PLD1: variants seen among roughly 807,000 people sequenced by gnomAD.
PLD1 encodes choline phosphatase 1.
A neutral mutation model predicts 137.1 loss-of-function variants in PLD1; 112 were observed. The ratio of observed to expected loss-of-function variants is 0.82; its 90% CI spans 0.70 to 0.96. PLD1 has a LOEUF of 0.96. PLD1 is among the 40% of genes least tolerant of loss of function. The probability of loss-of-function intolerance (pLI) is 0.00; values close to 1 mark genes in which losing one functional copy is unlikely to be tolerated. For synonymous variants in PLD1, 431 were observed against 454.7 expected, an observed-to-expected ratio of 0.95 and a Z score of 0.66; for missense variants, 1,321 against 1,342.0, an observed-to-expected ratio of 0.98 and a Z score of 0.24.
intron 1 of PLD1, among the ~76,000 whole-genome samples, chr3:171,751,053 A>G (rs1373806113): frequency 1.3e-5 from 2 of 152,226 alleles, no homozygotes; most frequent in Admixed American, 6.5e-5. Flanking sequence ...AAATGAAAAA[A>G]ATAATGGAGA....
chr3:171,669,069 G>A (rs1378810366), intron 19 of PLD1, among the ~76,000 whole-genome samples: 2 of 152,186 alleles, frequency 1.3e-5, no homozygotes, highest in Admixed American at 6.5e-5. Flanking sequence ...AGCTGCTGAA[G>A]TCAGCTGTCA....
intron 22 of PLD1, among the ~76,000 whole-genome samples, chr3:171,643,988 C>G (rs1432756998): frequency 1.3e-5 from 2 of 152,026 alleles, no homozygotes; most frequent in Non-Finnish European, 2.9e-5. Flanking sequence ...GAACTGTGCA[C>G]AGATCCTCCA....
intron 1 of PLD1, among the ~76,000 whole-genome samples, chr3:171,788,250 CTTTTT>C (rs58878929): frequency 2.7e-5 from 3 of 110,560 alleles, no homozygotes; most frequent in African/African-American, 1.0e-4. Flanking sequence ...ATCTGCACTT[CTTTTT>C]TTTTTTTTTT....
chr3:171,726,142 T>G (rs1368937571), intron 6 of PLD1, 66 bp from the exon 7 acceptor site: 4 of 1,016,536 alleles, frequency 3.9e-6, no homozygotes, highest in Admixed American at 1.7e-5. Flanking sequence ...TTAAAAAACA[T>G]GTATTAGGTA....
rs745380460 is a variant in PLD1, at chr3:171,735,634, G to A, written c.292C>T (p.Pro98Ser). The change falls in exon 4 of 27, where the codon CCA becomes TCA. Residue 98 changes from proline (P) to serine (S), a missense_variant. Pro to Ser is a moderately conservative substitution (Grantham distance 74). Transcript: ENST00000351298. ...TCAATAGTGTAAAGATTAATACTTG[G>A]TACCTACAGTGATACATAAAAATGT... is the stretch of plus-strand genomic sequence containing the variant. ...VERFTSTTRV[P>S]SINLYTIELT... The A allele has an allele frequency of 6.0e-6, 9 of 1,489,052 alleles. No individual in the cohort carries two copies. The highest frequency in any genetic ancestry group is 7.5e-6 in the Non-Finnish European group (8 of 1,066,780). The allele number at this position is 1,489,052 out of a possible 1,614,324, so 92.2% of individuals were successfully genotyped here. A position where few individuals can be genotyped will look rare whatever the true frequency, so the allele number is the denominator to read the frequency against.
chr3:171,670,132 C>T (rs956662683), intron 19 of PLD1, among the ~76,000 whole-genome samples: 4 of 151,928 alleles, frequency 2.6e-5, no homozygotes, highest in Admixed American at 6.6e-5. Flanking sequence ...TTTGTGTAGG[C>T]GGGTACAGGG....
chr3:171,623,079 A>C (rs943731031), intron 23 of PLD1, among the ~76,000 whole-genome samples: 34 of 152,224 alleles, frequency 2.2e-4, no homozygotes, highest in Admixed American at 7.9e-4. Flanking sequence ...GGATAGAACA[A>C]TTCACCATTA....
chr3:171,716,026 T>C (rs1717662274), intron 8 of PLD1, among the ~76,000 whole-genome samples: 1 of 151,668 alleles, frequency 6.6e-6, no homozygotes, highest in Non-Finnish European at 1.5e-5. Context: ...TGGTATTGGG[T>C]TTCCTGTTCC....
intron 25 of PLD1, among the ~76,000 whole-genome samples, 189 bp from the exon 26 acceptor site, chr3:171,605,605 C>A (rs1380192109): frequency 6.6e-6 from 1 of 152,224 alleles, no homozygotes; most frequent in African/African-American, 2.4e-5. Context: ...ATTGACCACA[C>A]ATAAACAGCG....
At chr3:171,769,848 G>T (rs894355157) in intron 1 of PLD1, among the ~76,000 whole-genome samples, 1 of 151,764 alleles carries the variant, frequency 6.6e-6, no homozygotes, top group Non-Finnish European at 1.5e-5. Flanking sequence ...TTTCGCAGTG[G>T]GGAAAAAAGG....
chr3:171,690,872 T>A (rs1401368247), intron 13 of PLD1, among the ~76,000 whole-genome samples: 1 of 152,172 alleles, frequency 6.6e-6, no homozygotes, highest in Non-Finnish European at 1.5e-5. Flanking sequence ...AAGTCCTCTG[T>A]TTTCTTACTT....
chr3:171,665,526 C>T (rs1273160241), intron 19 of PLD1, among the ~76,000 whole-genome samples: 1 of 152,028 alleles, frequency 6.6e-6, no homozygotes, highest in Non-Finnish European at 1.5e-5. Flanking sequence ...ATGGCGAAAC[C>T]CCGTCTCTAT....
chr3:171,735,102 T>C (rs1183026969), intron 4 of PLD1, 132 bp from the exon 5 acceptor site: 2 of 616,448 alleles, frequency 3.2e-6, no homozygotes, highest in African/African-American at 3.7e-5. Context: ...AATAGACTAG[T>C]TAGCCGATAT....
intron 12 of PLD1, among the ~76,000 whole-genome samples, chr3:171,696,456 A>C (rs1715704444): frequency 6.6e-6 from 1 of 152,226 alleles, no homozygotes; most frequent in African/African-American, 2.4e-5. Context: ...AACAGCCATC[A>C]TAAGAGATGT....
chr3:171,670,166 ATGG>A (rs2108460663), intron 19 of PLD1, among the ~76,000 whole-genome samples: 1 of 84,100 alleles, frequency 1.2e-5, no homozygotes, highest in East Asian at 3.4e-4. Flanking sequence ...TAAAGAGAGG[ATGG>A]TTAATGGGTA....
intron 7 of PLD1, among the ~76,000 whole-genome samples, chr3:171,725,387 A>G (rs373100410): frequency 6.6e-6 from 1 of 152,298 alleles, no homozygotes; most frequent in South Asian, 2.1e-4. Flanking sequence ...AAACTAGTTG[A>G]GCTAGTTGAG....
At chr3:171,797,859 A>G (rs1723492430) in intron 1 of PLD1, among the ~76,000 whole-genome samples, 1 of 152,040 alleles carries the variant, frequency 6.6e-6, no homozygotes, top group Non-Finnish European at 1.5e-5. Flanking sequence ...TTTTCCCTCA[A>G]TCTTTAGAAT....
At chr3:171,806,620 T>C (rs992327825) in intron 1 of PLD1, among the ~76,000 whole-genome samples, 1 of 152,214 alleles carries the variant, frequency 6.6e-6, no homozygotes, top group African/African-American at 2.4e-5. Context: ...ACTACAAGTT[T>C]AAAGAGACAT....
At chr3:171,729,951 A>C (rs1199215784) in intron 6 of PLD1, among the ~76,000 whole-genome samples, 1 of 152,214 alleles carries the variant, frequency 6.6e-6, no homozygotes, top group East Asian at 1.9e-4. Flanking sequence ...AAGAAATCTG[A>C]GTCACATAAG....
Sources: gnomAD v4.1 joint callset for allele counts (sites outside exome capture counted in the v4.1 genomes callset) on GRCh38, gnomAD v4.1.1 for gene constraint, MANE v1.5 for transcripts, NCBI Gene and HGNC (gene_info 2026-07-23, HGNC 2026-07-21) for gene names.